CYRIA: variants seen among roughly 807,000 people sequenced by gnomAD.
CYRIA encodes CYFIP related Rac1 interactor A.
CYRIA carries 15 observed loss-of-function variants against 43.9 expected under a neutral mutation model. That is an observed-to-expected ratio of 0.34 (90% CI 0.23 to 0.53). CYRIA has a LOEUF of 0.53. Among genes scored for constraint, CYRIA ranks in the 20% least tolerant of loss-of-function variants. The probability of loss-of-function intolerance (pLI) is 0.94; values close to 1 mark genes in which losing one functional copy is unlikely to be tolerated. For missense variants in CYRIA, 236 were observed against 394.2 expected, an observed-to-expected ratio of 0.60 and a Z score of 3.40; for synonymous variants, 117 against 136.0, an observed-to-expected ratio of 0.86 and a Z score of 0.97.
intron 2 of CYRIA, among the ~76,000 whole-genome samples, chr2:16,615,157 T>G (rs1339535582): frequency 6.6e-6 from 1 of 152,210 alleles, no homozygotes; most frequent in Admixed American, 6.5e-5. Context: ...ACCTGGGAGC[T>G]TATTACAAAT....
intron 2 of CYRIA, among the ~76,000 whole-genome samples, chr2:16,615,466 C>T (rs539785519): frequency 2.4e-4 from 37 of 152,276 alleles, no homozygotes; most frequent in African/African-American, 8.4e-4. Context: ...ACCCACTGAG[C>T]CCCCACTGCA....
chr2:16,640,810 A>G (rs1669654551), intron 1 of CYRIA, among the ~76,000 whole-genome samples: 1 of 152,044 alleles, frequency 6.6e-6, no homozygotes, highest in African/African-American at 2.4e-5. Context: ...TCCTAAACAC[A>G]GAAACTATGT....
intron 1 of CYRIA, among the ~76,000 whole-genome samples, chr2:16,629,452 C>T (rs186984629): frequency 6.6e-6 from 1 of 152,326 alleles, no homozygotes; most frequent in African/African-American, 2.4e-5. Context: ...ACAAACTCTC[C>T]CATCAATACA....
At chr2:16,606,523 T>G (rs886305125) in intron 2 of CYRIA, among the ~76,000 whole-genome samples, 1 of 151,418 alleles carries the variant, frequency 6.6e-6, no homozygotes, top group Non-Finnish European at 1.5e-5. Context: ...ATCTCTTCCA[T>G]TCCTGTTGTC....
chr2:16,663,835 T>C (rs1433936741), intron 1 of CYRIA, among the ~76,000 whole-genome samples: 2 of 151,974 alleles, frequency 1.3e-5, no homozygotes, highest in Non-Finnish European at 2.9e-5. Flanking sequence ...GAGCCTCCTA[T>C]AGTGTGGGTT....
In CYRIA at chr2:16,650,009, T is replaced by C. The variant is rs1185997102; in HGVS notation, c.-167+15771A>G. On this transcript the variant is annotated intron_variant, in intron 1 of 11. Transcript: ENST00000381323. This position sits in a 1 kb window ranked among gnomAD's most constrained non-coding sequence, Gnocchi z 4.1. ...CTGCCACCTTGCTCGATCGCTTCTGTCATGAGCATGACACATTCCAAGAAG... is the reference window on the plus strand; with the variant it reads ...CTGCCACCTTGCTCGATCGCTTCTGCCATGAGCATGACACATTCCAAGAAG... Among the ~76,000 whole-genome samples, 1 of 152,124 alleles carries C rather than the reference T, an allele frequency of 6.6e-6. No individual in the cohort carries two copies. The highest frequency in any genetic ancestry group is 2.4e-5 in the African/African-American group (1 of 41,420).
chr2:16,571,814 T>G (rs1463481189), intron 3 of CYRIA, among the ~76,000 whole-genome samples: 1 of 152,170 alleles, frequency 6.6e-6, no homozygotes, highest in Non-Finnish European at 1.5e-5. Context: ...CCAATCTCTT[T>G]CCCCTTCAGG....
At chr2:16,609,752 T>C (rs1172053397) in intron 2 of CYRIA, among the ~76,000 whole-genome samples, 1 of 152,132 alleles carries the variant, frequency 6.6e-6, no homozygotes, top group Non-Finnish European at 1.5e-5. Context: ...ACATCTTCCA[T>C]GACTCCCCTG....
chr2:16,648,532 A>G (rs889762429), intron 1 of CYRIA, among the ~76,000 whole-genome samples: 6 of 152,238 alleles, frequency 3.9e-5, no homozygotes, highest in Admixed American at 2.6e-4. Flanking sequence ...GAATTTCAGC[A>G]AAAGGCTTTG....
rs111654056 is a variant in CYRIA at position 16,627,886 on chromosome 2, G to A, written c.-166-3867C>T. 3.7e-3 allele frequency among the ~76,000 whole-genome samples: 561 copies of A among 152,326 alleles called. 4 individuals are homozygous for A. Among genetic ancestry groups the A allele is most frequent in the African/African-American group, 0.011 (469 of 41,580 alleles). On this transcript the variant is annotated intron_variant, in intron 1 of 11. Transcript: ENST00000381323. ...TTATACAGCATGGCTGGGCCAGGGA[G>A]GGGATGAAGGCAGGGCCTGAGATGG... is the stretch of plus-strand genomic sequence containing the variant.
rs2103394194 is a variant in CYRIA, at chr2:16,551,956, T to A, written c.*980A>T. ...ACCTGGGAAATAGAAAACATGGATT[T>A]TTTTTCCCTCTAAATTCCCCTAGTT... is the stretch of plus-strand genomic sequence containing the variant. On this transcript the variant is annotated 3_prime_UTR_variant, in exon 12 of 12. Coordinates refer to ENST00000381323, the MANE Select transcript of CYRIA (RefSeq NM_030797.4). The A allele has an allele frequency of 6.6e-6, 1 of 152,194 alleles. No homozygotes were observed. The highest frequency in any genetic ancestry group is 6.5e-5 in the Admixed American group (1 of 15,282). 9.4% of individuals were successfully genotyped at this position (152,194 alleles called of 1,614,324 possible).
At chr2:16,640,156 GA>G (rs1669630323) in intron 1 of CYRIA, among the ~76,000 whole-genome samples, 2 of 152,184 alleles carry the variant, frequency 1.3e-5, no homozygotes, top group South Asian at 4.1e-4. Flanking sequence ...CAAAAAGGGG[GA>G]AAAATCCACA....
chr2:16,554,133 A>G (rs1193789491), intron 11 of CYRIA, among the ~76,000 whole-genome samples: 3 of 152,184 alleles, frequency 2.0e-5, no homozygotes, highest in Non-Finnish European at 2.9e-5. Context: ...TAAATGAGAC[A>G]ATATGATTAG....
chr2:16,645,406 G>T (rs6706997), intron 1 of CYRIA, among the ~76,000 whole-genome samples: 14,715 of 152,206 alleles, frequency 0.097, 1,773 homozygotes, highest in African/African-American at 0.28. Context: ...AAAACGAAGC[G>T]GATATGCACC....
At chr2:16,660,408 G>A (rs1261280936) in intron 1 of CYRIA, among the ~76,000 whole-genome samples, 1 of 152,144 alleles carries the variant, frequency 6.6e-6, no homozygotes, top group African/African-American at 2.4e-5. Context: ...GAGCGCCCAT[G>A]TGGAGGGAAA....
rs200570123 is a variant in CYRIA, at chr2:16,555,168, A to C, written c.838-29T>G. On this transcript the variant is annotated intron_variant, in intron 10 of 11. Coordinates refer to ENST00000381323, the MANE Select transcript of CYRIA (RefSeq NM_030797.4). ...GGAGGAGAAAGCACAATGTTTGTTA[A>C]TATCTTAGTAATACTGTCTATGCCA... 9.7e-5 allele frequency: 154 copies of C among 1,583,546 alleles called. 1 individual carries two copies. Among genetic ancestry groups the C allele is most frequent in the Non-Finnish European group, 1.3e-4 (148 of 1,157,548 alleles).
At chr2:16,638,322 C>T (rs184870083) in intron 1 of CYRIA, among the ~76,000 whole-genome samples, 9 of 152,240 alleles carry the variant, frequency 5.9e-5, no homozygotes, top group Admixed American at 4.6e-4. Context: ...CAGGAAATGA[C>T]GATTAAGTAC....
At chr2:16,573,213 A>G (rs1372025797) in intron 3 of CYRIA, among the ~76,000 whole-genome samples, 2 of 152,206 alleles carry the variant, frequency 1.3e-5, no homozygotes, top group Non-Finnish European at 2.9e-5. Context: ...AGAATAATAT[A>G]AGCATAAGAT....
At chr2:16,607,933 C>T (rs1321456826) in intron 2 of CYRIA, among the ~76,000 whole-genome samples, 1 of 152,078 alleles carries the variant, frequency 6.6e-6, no homozygotes, top group African/African-American at 2.4e-5. Flanking sequence ...GTTCCTTTTG[C>T]CTTGAACGCC....
Sources: allele counts gnomAD v4.1 joint callset (sites outside exome capture counted in the v4.1 genomes callset), GRCh38; gene constraint gnomAD v4.1.1; non-coding constraint Gnocchi (gnomAD v3.1); transcripts MANE v1.5; gene names NCBI Gene and HGNC (gene_info 2026-07-23, HGNC 2026-07-21).